Variants in SLCO1B1 observed in about 807,000 individuals in gnomAD.
The protein encoded by SLCO1B1 is solute carrier organic anion transporter family member 1B1, also known as OATP-2.
Under a neutral mutation model 70.1 loss-of-function variants are expected in SLCO1B1, and 81 were observed. The ratio of observed to expected loss-of-function variants is 1.16; its 90% CI spans 0.97 to 1.39. The LOEUF (loss-of-function observed/expected upper bound fraction) is 1.39. Among genes scored for constraint, SLCO1B1 ranks in the 40% most tolerant of loss-of-function variants. SLCO1B1 has a pLI of 0.00. For missense variants in SLCO1B1, 895 were observed against 799.6 expected (o/e 1.12, Z -1.44); for synonymous variants, 283 against 271.5 (o/e 1.04, Z -0.42).
At chr12:21,231,071 C>T (rs749897252) in intron 14 of SLCO1B1, among the ~76,000 whole-genome samples, 3 of 148,536 alleles carry the variant, frequency 2.0e-5, no homozygotes, top group Non-Finnish European at 4.4e-5. Context: ...AAACATGTGG[C>T]ATTTGGTTTT....
At chr12:21,150,966 C>T (rs947602730) in intron 2 of SLCO1B1, among the ~76,000 whole-genome samples, 6 of 152,114 alleles carry the variant, frequency 3.9e-5, no homozygotes, top group Non-Finnish European at 7.4e-5. Flanking sequence ...AGTCATGTGT[C>T]ATTTAACAAC....
At chr12:21,219,281 T>C (rs937759366) in intron 12 of SLCO1B1, among the ~76,000 whole-genome samples, 2 of 152,130 alleles carry the variant, frequency 1.3e-5, no homozygotes, top group Non-Finnish European at 2.9e-5. Flanking sequence ...AGTAAAGACC[T>C]GAATGAAGAG....
At chr12:21,226,609 TATG>T (rs1445329244) in intron 14 of SLCO1B1, among the ~76,000 whole-genome samples, 1 of 152,088 alleles carries the variant, frequency 6.6e-6, no homozygotes, top group Non-Finnish European at 1.5e-5. Flanking sequence ...AATGATTTTA[TATG>T]ATATTATCAT....
At chr12:21,180,978 G>T (rs11045824) in intron 7 of SLCO1B1, among the ~76,000 whole-genome samples, 16,151 of 151,978 alleles carry the variant, frequency 0.11, 1,173 homozygotes, top group Non-Finnish European at 0.16. Context: ...GTATACTTTG[G>T]CAAACTCCAA....
intron 7 of SLCO1B1, among the ~76,000 whole-genome samples, chr12:21,190,850 GTTA>G (rs1941022277): frequency 6.6e-6 from 1 of 152,036 alleles, no homozygotes; most frequent in Non-Finnish European, 1.5e-5. Flanking sequence ...ATTTTTCATC[GTTA>G]TTATTTTTTT....
chr12:21,174,506 A>C, intron 3 of SLCO1B1, 71 bp from the exon 4 acceptor site: 1 of 1,484,906 alleles, frequency 6.7e-7, no homozygotes, highest in Admixed American at 1.8e-5. Context: ...ATTTGCATCC[A>C]TTCTGGGGTT....
intron 2 of SLCO1B1, among the ~76,000 whole-genome samples, chr12:21,163,339 C>G (rs986773920): frequency 6.6e-6 from 1 of 152,104 alleles, no homozygotes; most frequent in South Asian, 2.1e-4. Context: ...CATTAAAGGA[C>G]TACAACGTGT....
chr12:21,207,343 G>C (rs1460434731), intron 11 of SLCO1B1, among the ~76,000 whole-genome samples: 1 of 151,566 alleles, frequency 6.6e-6, no homozygotes, highest in South Asian at 2.1e-4. Flanking sequence ...CCTTATATTC[G>C]TGTGGACCCA....
intron 7 of SLCO1B1, among the ~76,000 whole-genome samples, chr12:21,182,056 A>G (rs1234052059): frequency 6.6e-6 from 1 of 152,212 alleles, no homozygotes; most frequent in African/African-American, 2.4e-5. Flanking sequence ...TGAATAAACT[A>G]ACATACTTCG....
chr12:21,150,121 C>T (rs2121057180), intron 2 of SLCO1B1, among the ~76,000 whole-genome samples: 1 of 152,292 alleles, frequency 6.6e-6, no homozygotes, highest in African/African-American at 2.4e-5. Context: ...CACAAAGCCC[C>T]TGTAGCCAGA....
At chr12:21,226,377 G>C (rs1244615889) in intron 14 of SLCO1B1, among the ~76,000 whole-genome samples, 4 of 151,742 alleles carry the variant, frequency 2.6e-5, no homozygotes, top group African/African-American at 9.7e-5. Context: ...TCATGGCACT[G>C]CTCTCCGGCC....
At chr12:21,217,998 T>C (rs995235849) in intron 12 of SLCO1B1, among the ~76,000 whole-genome samples, 2 of 152,126 alleles carry the variant, frequency 1.3e-5, no homozygotes, top group Non-Finnish European at 2.9e-5. Flanking sequence ...AAGATTTCCC[T>C]AAAAAGAAAG....
At chr12:21,214,769 G>T in intron 11 of SLCO1B1, among the ~76,000 whole-genome samples, 1 of 152,260 alleles carries the variant, frequency 6.6e-6, no homozygotes, top group South Asian at 2.1e-4. Context: ...CTCGTGGTGC[G>T]CCGTTTTTTA....
In SLCO1B1 at chr12:21,161,870, T is replaced by C. The variant is rs1940624014; in HGVS notation, c.85-10780T>C. ...TGAAAATATAAAAATTAGCCAGGTG[T>C]GATGGCATGTGCCCATAGTCCTAGC... On this transcript the variant is annotated intron_variant, in intron 2 of 14. Transcript: ENST00000256958. Among the ~76,000 whole-genome samples, 3 of 151,984 alleles carry C rather than the reference T, an allele frequency of 2.0e-5. No individual in the cohort carries two copies. In the South Asian group the frequency reaches 6.2e-4, roughly 32 times the overall value.
In SLCO1B1 at chr12:21,214,811, G is replaced by C. The variant is rs866497286; in HGVS notation, c.1498-2308G>C. Reference sequence around the variant, plus strand: ...TCGGAAAAGCGCAGTATTCGGGTGGGAGTGACCCGATTTTCCAGGTGCTGT... The same window carrying C: ...TCGGAAAAGCGCAGTATTCGGGTGGCAGTGACCCGATTTTCCAGGTGCTGT... On this transcript the variant is annotated intron_variant, in intron 11 of 14. Transcript: ENST00000256958. Among the ~76,000 whole-genome samples the C allele has an allele frequency of 5.5e-4, 83 of 152,250 alleles. 1 individual carries two copies. The highest frequency in any genetic ancestry group is 1.9e-3 in the African/African-American group (78 of 41,548).
At chr12:21,154,355 C>T (rs1443760788) in intron 2 of SLCO1B1, among the ~76,000 whole-genome samples, 4 of 151,966 alleles carry the variant, frequency 2.6e-5, no homozygotes, top group African/African-American at 9.7e-5. Context: ...CTTGCCTCTT[C>T]TAACATGTGA....
In SLCO1B1 at chr12:21,239,764, G is replaced by A. The variant is rs61760249; in HGVS notation, c.*575G>A. On this transcript the variant is annotated 3_prime_UTR_variant, in exon 15 of 15. Transcript: ENST00000256958. ...TAAATTTAGAATACATTTAAGTATT[G>A]TGGAAGAAATAAAGACATTCCAATA... Among the ~76,000 whole-genome samples the A allele has an allele frequency of 9.7e-3, 1,484 of 152,262 alleles. 16 individuals carry two copies. Among genetic ancestry groups the A allele is most frequent in the Non-Finnish European group, 0.015 (988 of 68,006 alleles).
chr12:21,226,355 A>G (rs35462387), intron 14 of SLCO1B1, among the ~76,000 whole-genome samples: 18,661 of 152,076 alleles, frequency 0.12, 1,561 homozygotes, highest in Non-Finnish European at 0.18. Context: ...CGGAGGTTGC[A>G]GTAAGCCAAG....
intron 11 of SLCO1B1, among the ~76,000 whole-genome samples, chr12:21,211,567 TG>T (rs1941285721): frequency 6.6e-6 from 1 of 152,224 alleles, no homozygotes; most frequent in African/African-American, 2.4e-5. Context: ...AGAATGATGC[TG>T]GCCTCATAAA....
Sources: allele counts gnomAD v4.1 joint callset (sites outside exome capture counted in the v4.1 genomes callset), GRCh38; gene constraint gnomAD v4.1.1; transcripts MANE v1.5; gene names NCBI Gene and HGNC (gene_info 2026-07-23, HGNC 2026-07-21).